Variants in TOB2 observed in about 807,000 individuals in gnomAD.
The protein encoded by TOB2 is protein Tob2.
TOB2 carries 3 observed loss-of-function variants against 17.3 expected under a neutral mutation model. The observed-to-expected ratio is 0.17, with a 90% confidence interval of 0.08 to 0.45. TOB2 has a LOEUF of 0.45. Among genes scored for constraint, TOB2 ranks in the 20% least tolerant of loss-of-function variants. The pLI is 0.99. For missense variants in TOB2, 407 were observed against 445.7 expected, an observed-to-expected ratio of 0.91 and a Z score of 0.78; for synonymous variants, 163 against 185.6, an observed-to-expected ratio of 0.88 and a Z score of 0.99.
At chr22:41,443,916 G>A (rs765451202) in intron 1 of TOB2, among the ~76,000 whole-genome samples, 1 of 152,098 alleles carries the variant, frequency 6.6e-6, no homozygotes, top group Non-Finnish European at 1.5e-5. Flanking sequence ...GTGAGCCACC[G>A]CACCCGGCCG....
chr22:41,434,874 A>T lies in TOB2; in HGVS notation c.*1437T>A, dbSNP rs932792710. On this transcript the variant is annotated 3_prime_UTR_variant, in exon 2 of 2. Coordinates refer to ENST00000327492, the MANE Select transcript of TOB2 (RefSeq NM_016272.4). ...ATCAGGCGGGAGTGCTGAGTCCGTC[A>T]GGACACCACTCCTCGCAGCATCAAG... The T allele has an allele frequency of 1.3e-5, 2 of 152,626 alleles. No homozygotes were observed. The highest frequency in any genetic ancestry group is 4.8e-5 in the African/African-American group (2 of 41,442). 9.5% of individuals were successfully genotyped at this position (152,626 alleles called of 1,614,324 possible).
chr22:41,439,811 C>T (rs577212952), intron 1 of TOB2, among the ~76,000 whole-genome samples: 15 of 151,906 alleles, frequency 9.9e-5, no homozygotes, highest in African/African-American at 2.4e-4. Context: ...CCAACACACA[C>T]GGCCTTAAGG....
At position 41,436,512 on chromosome 22, in the gene TOB2, C is replaced by G; in HGVS notation, c.834G>C (p.Gln278His). 3 of 1,613,062 alleles carry G rather than the reference C, an allele frequency of 1.9e-6. No homozygotes were observed. Among genetic ancestry groups the G allele is most frequent in the Admixed American group, 1.7e-5 (1 of 59,760 alleles). ...CAAACGGGCCTGGGGTGCCGCTGCC[C>G]TGGCCATCGGCCGCATCAAAGAAGA... ...PSLFFDAADG[Q>H]GSGTPGPFGG... The change falls in exon 2 of 2, where the codon CAG becomes CAC. Residue 278 changes from glutamine to histidine, a missense_variant. Gln to His is a conservative substitution (Grantham distance 24, BLOSUM62 0). Transcript: ENST00000327492. This position sits in a 1 kb window ranked among gnomAD's most constrained non-coding sequence, Gnocchi z 4.8.
At chr22:41,439,222 C>A (rs916327920) in intron 1 of TOB2, among the ~76,000 whole-genome samples, 1 of 152,172 alleles carries the variant, frequency 6.6e-6, no homozygotes, top group African/African-American at 2.4e-5. Context: ...CCTAGCCAGA[C>A]CTCTGGGCAA....
At chr22:41,442,472 C>A (rs1348739379) in intron 1 of TOB2, among the ~76,000 whole-genome samples, 1 of 152,216 alleles carries the variant, frequency 6.6e-6, no homozygotes, top group Non-Finnish European at 1.5e-5. Context: ...CCTAGCTAAC[C>A]ATTTTCTGCA....
intron 1 of TOB2, among the ~76,000 whole-genome samples, chr22:41,444,917 G>T (rs2037665207): frequency 6.6e-6 from 1 of 152,170 alleles, no homozygotes; most frequent in African/African-American, 2.4e-5. Flanking sequence ...GGGCCTGGGC[G>T]GTCCGTGTGG....
At chr22:41,437,869 C>T (rs1349452612) in intron 1 of TOB2, among the ~76,000 whole-genome samples, 1 of 135,108 alleles carries the variant, frequency 7.4e-6, no homozygotes, top group East Asian at 2.4e-4. Context: ...AGAATTGCTT[C>T]AACCCAGGAG....
intron 1 of TOB2, among the ~76,000 whole-genome samples, chr22:41,437,947 T>C (rs2037572097): frequency 3.7e-5 from 1 of 27,376 alleles, no homozygotes; most frequent in African/African-American, 2.3e-4. Flanking sequence ...AGACTCCATC[T>C]CAAAAAAAAA....
At chr22:41,440,081 T>TA (rs1045328195) in intron 1 of TOB2, among the ~76,000 whole-genome samples, 16 of 152,188 alleles carry the variant, frequency 1.1e-4, no homozygotes, top group African/African-American at 3.9e-4. Context: ...ACTTCATCTC[T>TA]AAGTTTCTTC....
intron 1 of TOB2, among the ~76,000 whole-genome samples, chr22:41,445,214 C>G (rs1172022677): frequency 6.6e-6 from 1 of 152,218 alleles, no homozygotes; most frequent in Non-Finnish European, 1.5e-5. Context: ...AACTGTACAC[C>G]TGACACCTGA....
In TOB2 at chr22:41,446,587, G is replaced by A. The variant is rs1178105453; in HGVS notation, c.-271C>T. The A allele has an allele frequency of 6.5e-6, 1 of 152,872 alleles. No homozygotes were observed. Among genetic ancestry groups the A allele is most frequent in the Non-Finnish European group, 1.5e-5 (1 of 68,092 alleles). The allele number at this position is 152,872 out of a possible 1,614,324, so 9.5% of individuals were successfully genotyped here. A position where few individuals can be genotyped will look rare whatever the true frequency, so the allele number is the denominator to read the frequency against. On this transcript the variant is annotated 5_prime_UTR_variant, in exon 1 of 2. Transcript: ENST00000327492. ...CAATAATTTCTTTCAGCTCTTAGGAGGTCGGGCTCGGCAGCGGGGGGCCCG... is the reference window on the plus strand; with the variant it reads ...CAATAATTTCTTTCAGCTCTTAGGAAGTCGGGCTCGGCAGCGGGGGGCCCG...
Position 41,446,698 on chromosome 22 carries a change from C to G in TOB2, c.-382G>C. On this transcript the variant is annotated 5_prime_UTR_variant, in exon 1 of 2. Transcript: ENST00000327492. The stretch of plus-strand genomic sequence containing the variant: ...GTCGCGCAACGGCAGACGGTATGGG[C>G]TGTCGCCGGCAGACGGTCCTGCCCT... 6.6e-6 allele frequency: 1 copy of G among 151,194 alleles called. No homozygotes were observed. Among genetic ancestry groups the G allele is most frequent in the South Asian group, 2.1e-4 (1 of 4,874 alleles). 9.4% of individuals were successfully genotyped at this position (151,194 alleles called of 1,614,324 possible).
intron 1 of TOB2, among the ~76,000 whole-genome samples, chr22:41,445,098 G>A (rs2037667582): frequency 6.6e-6 from 1 of 152,258 alleles, no homozygotes; most frequent in Non-Finnish European, 1.5e-5. Flanking sequence ...GGAGGCGCCA[G>A]GCCAAGGCCA....
chr22:41,436,710 C>T lies in TOB2; in HGVS notation c.636G>A (p.Gln212=), dbSNP rs1289263817. Residue 212 remains glutamine (Q), a synonymous_variant, in exon 2 of 2, where the codon CAG becomes CAA. Coordinates refer to ENST00000327492, the MANE Select transcript of TOB2 (RefSeq NM_016272.4). This position sits in a 1 kb window ranked among gnomAD's most constrained non-coding sequence, Gnocchi z 4.8. ...GGGCCATGCGAGGCTGCTGTGGTGG[C>T]TGCTGGCCACCCGCCCCACTGCTGG... is the stretch of plus-strand genomic sequence containing the variant. ...GVASSGAGGQ[Q]PPQQPRMARS... 1 of 1,613,106 alleles carries T rather than the reference C, an allele frequency of 6.2e-7. No individual in the cohort carries two copies. The highest frequency in any genetic ancestry group is 1.7e-5 in the Admixed American group (1 of 59,968).
rs143698818 is a variant in TOB2 at position 41,437,270 on chromosome 22, C to G, written c.76G>C (p.Asp26His). Residue 26 changes from aspartate to histidine, a missense_variant, in exon 2 of 2, where the codon GAC becomes CAC. Asp to His is a moderately conservative substitution (Grantham distance 81). Coordinates refer to ENST00000327492, the MANE Select transcript of TOB2 (RefSeq NM_016272.4). ...CGCTCTAGCTCCTCCCCAAACAGGT[C>G]TGCCCGGCGCCGGGGCAGCTTGTTG... is the stretch of plus-strand genomic sequence containing the variant. ...LYNKLPRRRA[D>H]LFGEELERLL... 1.9e-6 allele frequency: 3 copies of G among 1,614,204 alleles called. No individual in the cohort carries two copies. Among genetic ancestry groups the G allele is most frequent in the Non-Finnish European group, 2.5e-6 (3 of 1,180,042 alleles).
chr22:41,443,621 ATTTTT>A (rs71184808), intron 1 of TOB2, among the ~76,000 whole-genome samples: 1 of 109,180 alleles, frequency 9.2e-6, no homozygotes. Flanking sequence ...TAGCCAGAAG[ATTTTT>A]TTTTTTTTTT....
intron 1 of TOB2, among the ~76,000 whole-genome samples, chr22:41,443,776 A>C (rs1427606281): frequency 6.6e-6 from 1 of 151,616 alleles, no homozygotes; most frequent in Non-Finnish European, 1.5e-5. Flanking sequence ...GGAATGCGCC[A>C]CCACGCCCGG....
chr22:41,446,036 T>C (rs2037682443), intron 1 of TOB2, among the ~76,000 whole-genome samples: 1 of 152,098 alleles, frequency 6.6e-6, no homozygotes, highest in Admixed American at 6.5e-5. Flanking sequence ...GTTATGTTTC[T>C]TTGGAGAACA....
chr22:41,436,256 T>C lies in TOB2; in HGVS notation c.*55A>G. On this transcript the variant is annotated 3_prime_UTR_variant, in exon 2 of 2. Coordinates refer to ENST00000327492, the MANE Select transcript of TOB2 (RefSeq NM_016272.4). The surrounding 1 kb of genome is among the most constrained non-coding windows in gnomAD (Gnocchi z 4.8). ...TTCTTTTCCTCTTTTTTTTGGCCTT[T>C]CCTTTCTCTTTTCTGTGGTCTTGGG... 6.7e-7 allele frequency: 1 copy of C among 1,491,634 alleles called. No homozygotes were observed. Among genetic ancestry groups the C allele is most frequent in the Non-Finnish European group, 8.9e-7 (1 of 1,123,188 alleles). The allele number at this position is 1,491,634 out of a possible 1,614,324, so 92.4% of individuals were successfully genotyped here. A position where few individuals can be genotyped will look rare whatever the true frequency, so the allele number is the denominator to read the frequency against.
Sources: gnomAD v4.1 joint callset for allele counts (sites outside exome capture counted in the v4.1 genomes callset) on GRCh38, gnomAD v4.1.1 for gene constraint, Gnocchi (gnomAD v3.1) non-coding constraint, MANE v1.5 for transcripts, NCBI Gene and HGNC (gene_info 2026-07-23, HGNC 2026-07-21) for gene names.